ZNF285: variants seen among roughly 807,000 people sequenced by gnomAD.
The protein encoded by ZNF285 is zinc finger protein 285.
ZNF285 carries 4 observed loss-of-function variants against 6.2 expected under a neutral mutation model. The ratio of observed to expected loss-of-function variants is 0.65; its 90% CI spans 0.32 to 1.49. The LOEUF is 1.49. Ranked by LOEUF, ZNF285 falls within the 40% of genes most tolerant of loss-of-function variation. The probability of loss-of-function intolerance (pLI) is 0.07; values close to 1 mark genes in which losing one functional copy is unlikely to be tolerated. For synonymous variants in ZNF285, 240 were observed against 245.8 expected (o/e 0.98, Z 0.22); for missense variants, 695 against 708.8 (o/e 0.98, Z 0.22).
intron 2 of ZNF285, chr19:44,394,522 G>A (rs1342177470): frequency 5.4e-6 from 3 of 560,742 alleles, no homozygotes. Flanking sequence ...TAACAAACCT[G>A]CACATGTATC....
Position 44,397,190 on chromosome 19 carries a change from T to C in ZNF285, c.15+9A>G. On this transcript the variant is annotated intron_variant, in intron 2 of 3. Transcript: ENST00000614994. Reference sequence around the variant, plus strand: ...AGCATATTTAAAGAGAAAGAAACCCTTAACTTACCTGGAACTTAATCATAC... The same window carrying C: ...AGCATATTTAAAGAGAAAGAAACCCCTAACTTACCTGGAACTTAATCATAC... 1.2e-6 allele frequency: 2 copies of C among 1,613,926 alleles called. No individual in the cohort carries two copies. Among genetic ancestry groups the C allele is most frequent in the Non-Finnish European group, 1.7e-6 (2 of 1,179,874 alleles).
At position 44,388,727 on chromosome 19, in the gene ZNF285, T is replaced by A. The variant is rs28568386; in HGVS notation, c.143-625A>T. On this transcript the variant is annotated intron_variant, in intron 3 of 3. Transcript: ENST00000614994. ...TCCCATTTTATGTAGTGTGTGTGTA[T>A]ATAAATAATACATATTGATGGAGTG... Among the ~76,000 whole-genome samples, 1,260 of 142,024 alleles carry A rather than the reference T, an allele frequency of 8.9e-3. 32 individuals carry two copies. Among genetic ancestry groups the A allele is most frequent in the African/African-American group, 0.034 (1,168 of 34,434 alleles). 93.2% of individuals were successfully genotyped at this position (142,024 alleles called of 152,430 possible).
intron 2 of ZNF285, among the ~76,000 whole-genome samples, chr19:44,394,051 A>G (rs1350692572): frequency 6.6e-6 from 1 of 152,164 alleles, no homozygotes; most frequent in Non-Finnish European, 1.5e-5. Flanking sequence ...AAAATGTGGC[A>G]TATATACACC....
rs756184719 is a variant in ZNF285, at chr19:44,387,287, C to G, written c.958G>C (p.Glu320Gln). 1.7e-5 allele frequency: 27 copies of G among 1,614,028 alleles called. No homozygotes were observed. The highest frequency in any genetic ancestry group is 2.0e-5 in the Non-Finnish European group (24 of 1,180,030). ...CTGCGCCTGAAGCCCTTGCCACATT[C>G]TTTACATTTGTAGGGTTTGTCTCCT... ...SSGDKPYKCK[E>Q]CGKGFRRSSS... The change falls in exon 4 of 4, where the codon GAA (glutamate) becomes CAA (glutamine). Residue 320 changes from glutamate (E) to glutamine (Q), a missense_variant. Glu to Gln is a conservative substitution (Grantham distance 29). Transcript: ENST00000614994.
At chr19:44,398,141 C>A (rs377326921) in intron 1 of ZNF285, among the ~76,000 whole-genome samples, 1 of 152,290 alleles carries the variant, frequency 6.6e-6, no homozygotes, top group African/African-American at 2.4e-5. Context: ...ATTCTATCCC[C>A]TGCTTTTGCA....
At chr19:44,398,727 T>A (rs1438008018) in intron 1 of ZNF285, among the ~76,000 whole-genome samples, 1 of 152,138 alleles carries the variant, frequency 6.6e-6, no homozygotes, top group Non-Finnish European at 1.5e-5. Context: ...TTATTGGGAT[T>A]CCATCTGATA....
At chr19:44,395,515 C>T (rs188744752) in intron 2 of ZNF285, among the ~76,000 whole-genome samples, 9 of 152,112 alleles carry the variant, frequency 5.9e-5, no homozygotes, top group African/African-American at 2.2e-4. Context: ...AACAAACCAA[C>T]TGTTAAAAAA....
At position 44,386,917 on chromosome 19, in the gene ZNF285, A is replaced by G; in HGVS notation, c.1328T>C (p.Leu443Pro). ...TGTGTGGACTCTCTGGTGAATGTGA[A>G]GGTGTGTACATTGGCTGAAGCCCTT... Reference protein sequence around the residue: ...CGKGFSQCTHLHIHQRVHTGE... With the variant: ...CGKGFSQCTHPHIHQRVHTGE... The change falls in exon 4 of 4, where the codon CTT becomes CCT. Residue 443 changes from leucine (L) to proline (P), a missense_variant. By Grantham distance (98) the Leu-to-Pro change is moderately conservative (BLOSUM62 -3). Transcript: ENST00000614994. 1.2e-6 allele frequency: 2 copies of G among 1,614,164 alleles called. No individual in the cohort carries two copies. The highest frequency in any genetic ancestry group is 1.1e-5 in the South Asian group (1 of 91,078).
chr19:44,398,243 G>A (rs1276232289), intron 1 of ZNF285, among the ~76,000 whole-genome samples: 1 of 152,088 alleles, frequency 6.6e-6, no homozygotes, highest in Non-Finnish European at 1.5e-5. Flanking sequence ...TCAGACTGCA[G>A]GTAGACCAAA....
chr19:44,387,698 C>T lies in ZNF285; in HGVS notation c.547G>A (p.Asp183Asn), dbSNP rs1191701226. 6.2e-7 allele frequency: 1 copy of T among 1,613,892 alleles called. No individual in the cohort carries two copies. Among genetic ancestry groups the T allele is most frequent in the Non-Finnish European group, 8.5e-7 (1 of 1,179,854 alleles). ...TCACATGAGGTCCAACTGAGGCTGT[C>T]ATCATGCTGAGCACGTCTGTACAAT... is the stretch of plus-strand genomic sequence containing the variant. ...EKLYRRAQHD[D>N]SLSWTSCDHH... is the part of the protein sequence containing the mutation. Residue 183 changes from aspartate to asparagine, a missense_variant, in exon 4 of 4, where the codon GAC becomes AAC. Physicochemically the swap from Asp to Asn is conservative, Grantham distance 23 (BLOSUM62 1). Transcript: ENST00000614994.
At position 44,382,583 on chromosome 19, in the gene ZNF285, T is replaced by A. The variant is rs1304358277; in HGVS notation, c.*3889A>T. ...AAAGTGCTGGGATTAGGACTAAGTT[T>A]TATAGGGAAAACATGTAAGCTAAGG... On this transcript the variant is annotated 3_prime_UTR_variant, in exon 4 of 4. Coordinates refer to ENST00000614994, the MANE Select transcript of ZNF285 (RefSeq NM_152354.6). 2.0e-5 allele frequency: 3 copies of A among 151,814 alleles called. No individual in the cohort carries two copies. Among genetic ancestry groups the A allele is most frequent in the Non-Finnish European group, 4.4e-5 (3 of 67,982 alleles). The allele number at this position is 151,814 out of a possible 1,614,324, so 9.4% of individuals were successfully genotyped here.
At chr19:44,389,439 C>T (rs1971155506) in intron 3 of ZNF285, among the ~76,000 whole-genome samples, 1 of 152,166 alleles carries the variant, frequency 6.6e-6, no homozygotes, top group Non-Finnish European at 1.5e-5. Flanking sequence ...GGGCTTTAAG[C>T]AGTGGTTTCC....
In ZNF285 at chr19:44,387,972, G is replaced by A. The variant is rs200246187; in HGVS notation, c.273C>T (p.Ile91=). Residue 91 remains isoleucine, a synonymous_variant, in exon 4 of 4, where the codon ATC becomes ATT. Coordinates refer to ENST00000614994, the MANE Select transcript of ZNF285 (RefSeq NM_152354.6). The part of the protein sequence containing the change: ...IRDLTVSQDY[I]VNLQEECSPH... ...GGGAACACTCTTCTTGAAGGTTCAC[G>A]ATATAATCCTGACTCACAGTTAAAT... The A allele has an allele frequency of 6.8e-6, 11 of 1,614,048 alleles. No individual in the cohort carries two copies. Among genetic ancestry groups the A allele is most frequent in the South Asian group, 1.1e-5 (1 of 91,090 alleles).
Position 44,387,279 on chromosome 19 carries a change from G to C in ZNF285, c.966C>G (p.Gly322=). Residue 322 remains glycine, a synonymous_variant, in exon 4 of 4, where the codon GGC becomes GGG. Coordinates refer to ENST00000614994, the MANE Select transcript of ZNF285 (RefSeq NM_152354.6). The stretch of plus-strand genomic sequence containing the variant: ...GGGAAGAGCTGCGCCTGAAGCCCTT[G>C]CCACATTCTTTACATTTGTAGGGTT... ...GDKPYKCKEC[G]KGFRRSSSLH... 1 of 1,614,148 alleles carries C rather than the reference G, an allele frequency of 6.2e-7. No individual in the cohort carries two copies.
Position 44,388,038 on chromosome 19 carries a change from T to C in ZNF285, c.207A>G (p.Glu69=). 3 of 1,614,072 alleles carry C rather than the reference T, an allele frequency of 1.9e-6. No individual in the cohort carries two copies. Among genetic ancestry groups the C allele is most frequent in the Non-Finnish European group, 2.5e-6 (3 of 1,179,942 alleles). Residue 69 remains glutamate (E), a synonymous_variant, in exon 4 of 4, where the codon GAA becomes GAG. Transcript: ENST00000614994. The part of the protein sequence containing the change: ...QAKGLSYLSQ[E]VLHCWQIWKQ... Reference sequence around the variant, plus strand: ...TCCAAATCTGCCAGCAATGAAGCACTTCTTGCGAAAGGTAACTTAACCCCT... The same window carrying C: ...TCCAAATCTGCCAGCAATGAAGCACCTCTTGCGAAAGGTAACTTAACCCCT...
rs186508565 is a variant in ZNF285 at position 44,382,693 on chromosome 19, A to G, written c.*3779T>C. On this transcript the variant is annotated 3_prime_UTR_variant, in exon 4 of 4. Coordinates refer to ENST00000614994, the MANE Select transcript of ZNF285 (RefSeq NM_152354.6). ...CTGGGTGAAGCAGGAAATAGACCAC[A>G]CCTCACCGCTATGTTTTTATCCTTC... 9.2e-5 allele frequency: 14 copies of G among 152,278 alleles called. No homozygotes were observed. Among genetic ancestry groups the G allele is most frequent in the African/African-American group, 3.4e-4 (14 of 41,550 alleles). The allele number at this position is 152,278 out of a possible 1,614,324, so 9.4% of individuals were successfully genotyped here.
Position 44,387,009 on chromosome 19 carries a change from G to A in ZNF285, c.1236C>T (p.Ser412=). ...CSECGKCFSS[S]SVLQVHWRFH... is the part of the protein sequence containing the mutation. The stretch of plus-strand genomic sequence containing the variant: ...ACCTCCAGTGGACTTGAAGAACGGA[G>A]CTTGAACTAAAGCACTTGCCACACT... The change falls in exon 4 of 4, where the codon AGC becomes AGT. Residue 412 remains serine (S), a synonymous_variant. Transcript: ENST00000614994. 6.2e-7 allele frequency: 1 copy of A among 1,614,126 alleles called. No homozygotes were observed. Among genetic ancestry groups the A allele is most frequent in the Non-Finnish European group, 8.5e-7 (1 of 1,180,028 alleles).
rs1971068228 is a variant in ZNF285 at position 44,386,316 on chromosome 19, T to C, written c.*156A>G. The C allele has an allele frequency of 1.7e-5, 14 of 800,452 alleles. No individual in the cohort carries two copies. In the South Asian group the frequency reaches 2.5e-4, roughly 14 times the overall value. 49.6% of individuals were successfully genotyped at this position (800,452 alleles called of 1,614,324 possible). On this transcript the variant is annotated 3_prime_UTR_variant, in exon 4 of 4. Coordinates refer to ENST00000614994, the MANE Select transcript of ZNF285 (RefSeq NM_152354.6). ...TCACAGAAGTTCTTGAAATCCACAG[T>C]CCTTGCCTGGCACACTTCAGTGCTG...
In ZNF285 at chr19:44,386,902, C is replaced by A; in HGVS notation, c.1343G>T (p.Arg448Ile). The A allele has an allele frequency of 6.2e-7, 1 of 1,614,214 alleles. No homozygotes were observed. The highest frequency in any genetic ancestry group is 1.1e-5 in the South Asian group (1 of 91,080). ...SQCTHLHIHQ[R>I]VHTGEKPYKC... ...GTATGGTTTCTCCCCTGTGTGGACTCTCTGGTGAATGTGAAGGTGTGTACA... is the reference window on the plus strand; with the variant it reads ...GTATGGTTTCTCCCCTGTGTGGACTATCTGGTGAATGTGAAGGTGTGTACA... The change falls in exon 4 of 4, where the codon AGA becomes ATA. Residue 448 changes from arginine (R) to isoleucine (I), a missense_variant. By Grantham distance (97) the Arg-to-Ile change is moderately conservative (BLOSUM62 -3). Coordinates refer to ENST00000614994, the MANE Select transcript of ZNF285 (RefSeq NM_152354.6).
Sources: gnomAD v4.1 joint callset for allele counts (sites outside exome capture counted in the v4.1 genomes callset) on GRCh38, gnomAD v4.1.1 for gene constraint, MANE v1.5 for transcripts, NCBI Gene and HGNC (gene_info 2026-07-23, HGNC 2026-07-21) for gene names.